Variants in SLC44A1 observed in about 807,000 individuals in gnomAD.
SLC44A1 encodes solute carrier family 44 member 1.
In SLC44A1, 26 loss-of-function variants were observed where a neutral mutation model predicts 79.3. The ratio of observed to expected loss-of-function variants is 0.33; its 90% confidence interval spans 0.24 to 0.46. SLC44A1 has a LOEUF of 0.46. SLC44A1 is among the 20% of genes least tolerant of loss of function. The pLI, the probability that SLC44A1 is intolerant of heterozygous loss-of-function variation, is 1.00. For synonymous variants in SLC44A1, 263 were observed against 286.2 expected, an observed-to-expected ratio of 0.92 and a Z score of 0.82; for missense variants, 688 against 798.1, an observed-to-expected ratio of 0.86 and a Z score of 1.66.
chr9:105,375,026 T>C (rs570430292), intron 13 of SLC44A1, among the ~76,000 whole-genome samples: 13 of 152,180 alleles, frequency 8.5e-5, no homozygotes, highest in Non-Finnish European at 1.5e-4. Context: ...CTTTCTGTGT[T>C]GTTTTTTTGT....
chr9:105,345,297 TA>T (rs1010145525), intron 4 of SLC44A1, among the ~76,000 whole-genome samples: 3 of 152,058 alleles, frequency 2.0e-5, no homozygotes, highest in Admixed American at 2.0e-4. Flanking sequence ...AAACAGTAGA[TA>T]AAAAAATGTA....
chr9:105,281,600 G>C (rs928513047), intron 1 of SLC44A1, among the ~76,000 whole-genome samples: 1 of 152,114 alleles, frequency 6.6e-6, no homozygotes, highest in Non-Finnish European at 1.5e-5. Flanking sequence ...TGAAGGTATA[G>C]AGGCTTGGGG....
chr9:105,345,281 A>T (rs1189515768), intron 4 of SLC44A1, among the ~76,000 whole-genome samples: 1 of 152,206 alleles, frequency 6.6e-6, no homozygotes, highest in Non-Finnish European at 1.5e-5. Context: ...CTTGAATGGT[A>T]TAGGAAAACA....
At chr9:105,271,067 C>T (rs909654555) in intron 1 of SLC44A1, among the ~76,000 whole-genome samples, 1 of 152,216 alleles carries the variant, frequency 6.6e-6, no homozygotes, top group Admixed American at 6.5e-5. Flanking sequence ...AACTTTCACA[C>T]GCTTCTTTCC....
intron 15 of SLC44A1, among the ~76,000 whole-genome samples, chr9:105,413,019 G>A (rs375110047): frequency 2.9e-4 from 44 of 152,290 alleles, no homozygotes; most frequent in African/African-American, 1.0e-3. Flanking sequence ...TTGGGGTAGA[G>A]AAAGGGAAAA....
intron 1 of SLC44A1, among the ~76,000 whole-genome samples, chr9:105,253,761 G>A (rs960809659): frequency 6.6e-6 from 1 of 152,140 alleles, no homozygotes; most frequent in African/African-American, 2.4e-5. Flanking sequence ...GTCTCGCTCT[G>A]TTGCCCAGGC....
chr9:105,273,691 T>TA (rs761974025), intron 1 of SLC44A1, among the ~76,000 whole-genome samples: 5 of 151,964 alleles, frequency 3.3e-5, no homozygotes, highest in Non-Finnish European at 5.9e-5. Context: ...TTTTTTTTTT[T>TA]ACCTGCAGTC....
At chr9:105,414,606 T>C (rs572908577) in intron 15 of SLC44A1, among the ~76,000 whole-genome samples, 5 of 152,298 alleles carry the variant, frequency 3.3e-5, no homozygotes, top group African/African-American at 4.8e-5. Context: ...AATTTTTAGA[T>C]AGTAATAGAT....
At chr9:105,403,560 T>C (rs1828985263) in intron 15 of SLC44A1, among the ~76,000 whole-genome samples, 2 of 151,008 alleles carry the variant, frequency 1.3e-5, no homozygotes, top group South Asian at 2.1e-4. Context: ...TAGCTAAGAA[T>C]ACCAGAATAA....
chr9:105,372,778 G>A (rs1208636253), intron 12 of SLC44A1, among the ~76,000 whole-genome samples: 26 of 142,480 alleles, frequency 1.8e-4, no homozygotes, highest in Middle Eastern at 3.5e-3. Context: ...GTGAAACCCC[G>A]TCTCTACTAA....
At chr9:105,336,627 C>A (rs1826930540) in intron 4 of SLC44A1, among the ~76,000 whole-genome samples, 1 of 152,174 alleles carries the variant, frequency 6.6e-6, no homozygotes, top group Non-Finnish European at 1.5e-5. Context: ...TTGCTTGGAA[C>A]AAGGAACGAC....
intron 3 of SLC44A1, among the ~76,000 whole-genome samples, chr9:105,333,067 A>G (rs960843490): frequency 5.3e-5 from 8 of 152,220 alleles, no homozygotes; most frequent in Non-Finnish European, 1.0e-4. Flanking sequence ...GTTGCTGCCC[A>G]GTCACTAGCA....
chr9:105,343,925 C>G (rs1827174692), intron 4 of SLC44A1, among the ~76,000 whole-genome samples: 1 of 152,194 alleles, frequency 6.6e-6, no homozygotes. Flanking sequence ...GACGATGCCA[C>G]ATTCTTACCT....
chr9:105,364,521 G>T, intron 9 of SLC44A1, 34 bp from the exon 10 acceptor site: 1 of 1,582,412 alleles, frequency 6.3e-7, no homozygotes, highest in Non-Finnish European at 8.6e-7. Context: ...TGTACTTTAT[G>T]TGCTTCTTCT....
chr9:105,325,541 G>A (rs1826546646), intron 3 of SLC44A1, among the ~76,000 whole-genome samples: 1 of 152,174 alleles, frequency 6.6e-6, no homozygotes, highest in Non-Finnish European at 1.5e-5. Context: ...ATAGCTCAGG[G>A]TATCACATGA....
At chr9:105,406,361 TA>T (rs1284089787) in intron 15 of SLC44A1, among the ~76,000 whole-genome samples, 1 of 152,192 alleles carries the variant, frequency 6.6e-6, no homozygotes, top group Non-Finnish European at 1.5e-5. Flanking sequence ...TGCCACATTA[TA>T]ATATGCAAAA....
rs768336417 is a variant in SLC44A1 at position 105,351,632 on chromosome 9, G to GAA, written c.500+3182_500+3183insAA. On this transcript the variant is annotated intron_variant, in intron 5 of 15. Transcript: ENST00000374720. ...AAAGAAAGAAAGAAAGAGAGAGAAA[G>GAA]AGAAAGAAAGAAAGAAAGAAAGAAA... is the stretch of plus-strand genomic sequence containing the variant. Among the ~76,000 whole-genome samples, 158 of 101,290 alleles carry GAA rather than the reference G, an allele frequency of 1.6e-3. 1 individual carries two copies. The highest frequency in any genetic ancestry group is 3.8e-3 in the African/African-American group (91 of 24,248). 66.5% of individuals were successfully genotyped at this position (101,290 alleles called of 152,430 possible). A position where few individuals can be genotyped will look rare whatever the true frequency, so the allele number is the denominator to read the frequency against.
chr9:105,428,252 C>A (rs1423170776), intron 15 of SLC44A1, among the ~76,000 whole-genome samples: 1 of 151,996 alleles, frequency 6.6e-6, no homozygotes, highest in Admixed American at 6.6e-5. Context: ...AAATTATTTT[C>A]TTTTATAAAT....
rs2131478707 is a variant in SLC44A1, at chr9:105,389,388, A to AT, written c.*336dup. Reference sequence around the variant, plus strand: ...TAACATTTTTAATAACTTAGAGGAGATTTTAACTTTATTTAAAAATAGGTA... The same window carrying AT: ...TAACATTTTTAATAACTTAGAGGAGATTTTTAACTTTATTTAAAAATAGGTA... On this transcript the variant is annotated 3_prime_UTR_variant, in exon 16 of 16. Transcript: ENST00000374720. 9.4e-7 allele frequency: 1 copy of AT among 1,061,508 alleles called. No individual in the cohort carries two copies. Among genetic ancestry groups the AT allele is most frequent in the East Asian group, 6.6e-5 (1 of 15,260 alleles). The allele number at this position is 1,061,508 out of a possible 1,614,324, so 65.8% of individuals were successfully genotyped here. A position where few individuals can be genotyped will look rare whatever the true frequency, so the allele number is the denominator to read the frequency against.
Sources: gnomAD v4.1 joint callset for allele counts (sites outside exome capture counted in the v4.1 genomes callset) on GRCh38, gnomAD v4.1.1 for gene constraint, MANE v1.5 for transcripts, NCBI Gene and HGNC (gene_info 2026-07-23, HGNC 2026-07-21) for gene names.